Variants in MYO19 observed in about 807,000 individuals in gnomAD.
The protein encoded by MYO19 is myosin XIX, also known as unconventional myosin-XIX.
MYO19 carries 132 observed loss-of-function variants against 129.2 expected under a neutral mutation model. That is an observed-to-expected ratio of 1.02 (90% CI 0.89 to 1.18). The LOEUF is 1.18. MYO19 is among the 50% of genes most tolerant of loss of function. The pLI is 0.00. For synonymous variants in MYO19, 531 were observed against 477.2 expected (o/e 1.11, Z -1.47); for missense variants, 1,210 against 1,216.7 (o/e 0.99, Z 0.08).
At chr17:36,527,212 T>C (rs1309398270) in intron 5 of MYO19, among the ~76,000 whole-genome samples, 1 of 151,766 alleles carries the variant, frequency 6.6e-6, no homozygotes, top group African/African-American at 2.4e-5. Context: ...AATAAAAAGG[T>C]AGTTTGTTAA....
chr17:36,507,658 A>G lies in MYO19; in HGVS notation c.1353+145T>C, dbSNP rs893591158. ...ATATCAAAACATTACATTGTACTCC[A>G]TATGTGCAATTATTATTTGTCAATT... On this transcript the variant is annotated intron_variant, in intron 15 of 25. Coordinates refer to ENST00000614623, the MANE Select transcript of MYO19 (RefSeq NM_001163735.2). 45 of 1,228,378 alleles carry G rather than the reference A, an allele frequency of 3.7e-5. No individual in the cohort carries two copies. In the Admixed American group the frequency reaches 6.8e-4, roughly 19 times the overall value. The allele number at this position is 1,228,378 out of a possible 1,614,324, so 76.1% of individuals were successfully genotyped here. A position where few individuals can be genotyped will look rare whatever the true frequency, so the allele number is the denominator to read the frequency against.
chr17:36,500,757 G>A (rs763520935), intron 23 of MYO19, 73 bp downstream of exon 23: 8 of 1,533,446 alleles, frequency 5.2e-6, no homozygotes, highest in South Asian at 2.4e-5. Context: ...GGGACTCGAC[G>A]AGCTATGTTT....
chr17:36,530,518 G>C (rs1463606751), intron 3 of MYO19, among the ~76,000 whole-genome samples: 1 of 139,268 alleles, frequency 7.2e-6, no homozygotes, highest in Non-Finnish European at 1.5e-5. Context: ...GTGCAGTGGC[G>C]CGATCTCGAC....
At chr17:36,523,148 C>T (rs539185505) in intron 6 of MYO19, among the ~76,000 whole-genome samples, 15 of 146,182 alleles carry the variant, frequency 1.0e-4, no homozygotes, top group African/African-American at 3.0e-4. Flanking sequence ...GATTGTGCCA[C>T]TGCACTCCAG....
intron 6 of MYO19, among the ~76,000 whole-genome samples, chr17:36,517,360 A>G (rs534601478): frequency 3.3e-5 from 5 of 152,122 alleles, no homozygotes; most frequent in African/African-American, 9.7e-5. Flanking sequence ...CCGGGGTTCA[A>G]GTGATTCTCC....
chr17:36,535,527 G>C (rs1433306683), upstream of MYO19: 2 of 152,280 alleles, frequency 1.3e-5, no homozygotes, highest in Non-Finnish European at 2.9e-5. Context: ...GGTTTGGCGG[G>C]TGCAGCGGCA....
At position 36,505,412 on chromosome 17, in the gene MYO19, T is replaced by C. The variant is rs373714124; in HGVS notation, c.1798-8A>G. ...AAGCTGCTCCAGTGAGGCCTGCAGA[T>C]GAGAGACCATGGGGTTAGGCAGGGA... On this transcript the variant is annotated splice_polypyrimidine_tract_variant and splice_region_variant and intron_variant, in intron 18 of 25. Transcript: ENST00000614623. 1.2e-6 allele frequency: 2 copies of C among 1,611,738 alleles called. No individual in the cohort carries two copies. Among genetic ancestry groups the C allele is most frequent in the African/African-American group, 1.3e-5 (1 of 74,892 alleles).
intron 6 of MYO19, among the ~76,000 whole-genome samples, chr17:36,518,225 A>T (rs1280759375): frequency 1.3e-5 from 2 of 152,018 alleles, no homozygotes; most frequent in Admixed American, 6.6e-5. Context: ...GAATCCCAGC[A>T]ATTTGGGAAG....
chr17:36,496,175 C>A lies in MYO19; in HGVS notation c.*76G>T. 1 of 1,554,732 alleles carries A rather than the reference C, an allele frequency of 6.4e-7. No individual in the cohort carries two copies. Among genetic ancestry groups the A allele is most frequent in the South Asian group, 1.2e-5 (1 of 85,956 alleles). On this transcript the variant is annotated 3_prime_UTR_variant, in exon 26 of 26. Coordinates refer to ENST00000614623, the MANE Select transcript of MYO19 (RefSeq NM_001163735.2). ...TTGGAGCACTGTGGGAATAGTCTGG[C>A]AGCTGTGTGCTGATTAAATGTCTTT...
Position 36,528,099 on chromosome 17 carries a change from T to A in MYO19, c.116A>T (p.Asp39Val). Reference sequence around the variant, plus strand: ...TGTCACAGGATTCACCCTGGTGAGGTCATCCAGTTTGTACAGCAGGACCTC... The same window carrying A: ...TGTCACAGGATTCACCCTGGTGAGGACATCCAGTTTGTACAGCAGGACCTC... ...GGEVLLYKLD[D>V]LTRVNPVTLE... The change falls in exon 4 of 26, where the codon GAC becomes GTC. Residue 39 changes from aspartate to valine, a missense_variant. Physicochemically the swap from Asp to Val is radical, Grantham distance 152. Transcript: ENST00000614623. 1 of 1,613,908 alleles carries A rather than the reference T, an allele frequency of 6.2e-7. No individual in the cohort carries two copies. The highest frequency in any genetic ancestry group is 8.5e-7 in the Non-Finnish European group (1 of 1,179,844).
intron 6 of MYO19, among the ~76,000 whole-genome samples, chr17:36,522,081 A>G (rs2073172817): frequency 6.6e-6 from 1 of 152,092 alleles, no homozygotes; most frequent in East Asian, 1.9e-4. Context: ...TAAAGTCTCT[A>G]TATTCAGAAA....
Position 36,501,231 on chromosome 17 carries a change from C to T in MYO19, c.2085G>A (p.Trp695Ter). Residue 695 changes from tryptophan to a stop codon, truncating the protein, a stop_gained, in exon 22 of 26, where the codon TGG becomes TGA. Transcript: ENST00000614623. LOFTEE classifies it high-confidence loss of function. ...SPYPAKGLPE[W>*]CPHSEEATLE... ...GCGTGGCTTCCTCGCTGTGTGGACA[C>T]CATTCTGGGGGAGGGAGATGGCCCC... 1 of 1,609,960 alleles carries T rather than the reference C, an allele frequency of 6.2e-7. No homozygotes were observed. The highest frequency in any genetic ancestry group is 8.5e-7 in the Non-Finnish European group (1 of 1,177,548).
intron 25 of MYO19, 32 bp from the exon 26 acceptor site, chr17:36,496,438 C>T (rs1417440858): frequency 6.2e-7 from 1 of 1,611,006 alleles, no homozygotes. Context: ...AGCTTTAGCA[C>T]TAGTTCCTGG....
upstream of MYO19, among the ~76,000 whole-genome samples, chr17:36,543,658 C>T (rs147251815): frequency 2.0e-5 from 3 of 152,096 alleles, no homozygotes; most frequent in East Asian, 5.8e-4. Context: ...GAGTTTCGCT[C>T]TTGTTGCCCA....
intron 2 of MYO19, among the ~76,000 whole-genome samples, chr17:36,540,776 A>G (rs1021402250): frequency 1.3e-5 from 2 of 152,248 alleles, no homozygotes; most frequent in Non-Finnish European, 2.9e-5. Flanking sequence ...GGTAATTTAA[A>G]TAACATTCTG....
intron 25 of MYO19, among the ~76,000 whole-genome samples, chr17:36,497,241 G>A (rs1466210522): frequency 6.6e-6 from 1 of 151,858 alleles, no homozygotes; most frequent in Non-Finnish European, 1.5e-5. Flanking sequence ...GGGAGGCTGA[G>A]GCAGGAGAAT....
At position 36,511,481 on chromosome 17, in the gene MYO19, G is replaced by C. The variant is rs370318126; in HGVS notation, c.895-26C>G. 3 of 1,549,794 alleles carry C rather than the reference G, an allele frequency of 1.9e-6. No homozygotes were observed. The African/African-American group carries it at 4.1e-5, about 21-fold the overall frequency. ...CTGGGGGAAAGAAAAGGATGGGTGG[G>C]AGTAGGAGAGGGCGTGACGTGGGCC... On this transcript the variant is annotated intron_variant, in intron 11 of 25. Coordinates refer to ENST00000614623, the MANE Select transcript of MYO19 (RefSeq NM_001163735.2).
chr17:36,537,629 T>C (rs754729396), upstream of MYO19: 4 of 1,614,042 alleles, frequency 2.5e-6, no homozygotes, highest in East Asian at 2.2e-5. Flanking sequence ...GCTTTGTTTT[T>C]GGGTCTGCAA....
At chr17:36,504,094 C>A in intron 19 of MYO19, 74 bp from the exon 20 acceptor site, 1 of 1,281,200 alleles carries the variant, frequency 7.8e-7, no homozygotes, top group Non-Finnish European at 1.1e-6. Context: ...TCTCTCAGCC[C>A]TTCTTCTTAG....
Sources: allele counts gnomAD v4.1 joint callset (sites outside exome capture counted in the v4.1 genomes callset), GRCh38; gene constraint gnomAD v4.1.1; transcripts MANE v1.5; gene names NCBI Gene and HGNC (gene_info 2026-07-23, HGNC 2026-07-21).